The following USP48 variants were observed in gnomAD, a reference collection of about 807,000 sequenced individuals.
USP48 encodes ubiquitin carboxyl-terminal hydrolase 48.
USP48 carries 43 observed loss-of-function variants against 150.7 expected under a neutral mutation model. That is an observed-to-expected ratio of 0.29 (90% CI 0.22 to 0.37). USP48 has a LOEUF of 0.37. Among genes scored for constraint, USP48 ranks in the 10% least tolerant of loss-of-function variants. The pLI is 1.00. For synonymous variants in USP48, 396 were observed against 425.9 expected (o/e 0.93, Z 0.86); for missense variants, 813 against 1,249.6 (o/e 0.65, Z 5.27).
chr1:21,720,531 C>CTT (rs879555456), intron 14 of USP48, among the ~76,000 whole-genome samples: 2 of 140,564 alleles, frequency 1.4e-5, no homozygotes, highest in African/African-American at 2.6e-5. Flanking sequence ...TTTTCTTTTT[C>CTT]TTTTTTTTTT....
At chr1:21,712,189 T>C (rs2152530049) in intron 15 of USP48, among the ~76,000 whole-genome samples, 1 of 152,264 alleles carries the variant, frequency 6.6e-6, no homozygotes, top group Admixed American at 6.5e-5. Flanking sequence ...CAAAACCCCA[T>C]ATCTACTAAA....
At chr1:21,777,951 C>T (rs1169352970) in intron 1 of USP48, among the ~76,000 whole-genome samples, 3 of 139,794 alleles carry the variant, frequency 2.1e-5, no homozygotes, top group African/African-American at 5.4e-5. Flanking sequence ...CATAGTGAAA[C>T]CCCGTCTCTA....
intron 7 of USP48, among the ~76,000 whole-genome samples, chr1:21,747,908 G>T (rs1026750975): frequency 3.3e-5 from 5 of 152,186 alleles, no homozygotes; most frequent in African/African-American, 1.2e-4. Context: ...AATAAAAAAA[G>T]TAAGGATTTT....
At chr1:21,780,210 G>A (rs575452198) in intron 1 of USP48, among the ~76,000 whole-genome samples, 11 of 152,316 alleles carry the variant, frequency 7.2e-5, no homozygotes, top group African/African-American at 2.6e-4. Flanking sequence ...TCCATAAAAT[G>A]GAATACTACT....
chr1:21,712,848 A>C (rs2152531335), intron 15 of USP48, among the ~76,000 whole-genome samples: 1 of 151,922 alleles, frequency 6.6e-6, no homozygotes. Context: ...GGCTGGTCTC[A>C]AACTCCTGAC....
At position 21,721,250 on chromosome 1, in the gene USP48, G is replaced by C. The variant is rs2097720082; in HGVS notation, c.1764-84C>G. On this transcript the variant is annotated intron_variant, in intron 13 of 26. Transcript: ENST00000308271. ...TTCTTTGCCTGTAAAAACAACTAAA[G>C]TGAATTACAAACACTCAACATCAGC... The C allele has an allele frequency of 2.0e-6, 3 of 1,535,450 alleles. No homozygotes were observed. In the East Asian group the frequency reaches 6.9e-5, roughly 35 times the overall value.
intron 22 of USP48, among the ~76,000 whole-genome samples, chr1:21,699,374 A>AT (rs2097648131): frequency 7.5e-6 from 1 of 133,234 alleles, no homozygotes; most frequent in Non-Finnish European, 1.6e-5. Flanking sequence ...AATTTTTTGT[A>AT]TTTTTAGTAG....
chr1:21,746,659 C>G (rs899814915), intron 8 of USP48, among the ~76,000 whole-genome samples: 1 of 152,064 alleles, frequency 6.6e-6, no homozygotes, highest in African/African-American at 2.4e-5. Flanking sequence ...AGCATAAATA[C>G]TGGAATTATG....
chr1:21,679,516 A>G, intron 26 of USP48, 77 bp from the exon 27 acceptor site: 1 of 1,537,738 alleles, frequency 6.5e-7, no homozygotes, highest in Non-Finnish European at 9.0e-7. Flanking sequence ...TACCAAGAAC[A>G]CATCATCAAC....
At chr1:21,720,902 C>A (rs964638508) in intron 14 of USP48, 134 bp downstream of exon 14, 18 of 1,187,766 alleles carry the variant, frequency 1.5e-5, no homozygotes, top group South Asian at 3.0e-5. Flanking sequence ...CTGGCACAAC[C>A]GCTGGGCTCA....
In USP48 at chr1:21,678,748, T is replaced by G. The variant is rs1176916002; in HGVS notation, c.*669A>C. 1 of 152,280 alleles carries G rather than the reference T, an allele frequency of 6.6e-6. No homozygotes were observed. The highest frequency in any genetic ancestry group is 1.5e-5 in the Non-Finnish European group (1 of 68,128). 9.4% of individuals were successfully genotyped at this position (152,280 alleles called of 1,614,324 possible). A position where few individuals can be genotyped will look rare whatever the true frequency, so the allele number is the denominator to read the frequency against. On this transcript the variant is annotated 3_prime_UTR_variant, in exon 27 of 27. Transcript: ENST00000308271. ...GCAAAAAGCCTCTGAAGTCAAAACA[T>G]GAGACATAATTCCTTGCTCATTGCA...
intron 1 of USP48, among the ~76,000 whole-genome samples, chr1:21,773,558 A>AATAAGATGCT (rs1167975660): frequency 6.6e-6 from 1 of 152,194 alleles, no homozygotes; most frequent in African/African-American, 2.4e-5. Flanking sequence ...GGCAAATGAA[A>AATAAGATGCT]ATAAGATGCT....
At chr1:21,727,501 C>T (rs773810737) in intron 11 of USP48, among the ~76,000 whole-genome samples, 11 of 152,014 alleles carry the variant, frequency 7.2e-5, no homozygotes, top group Non-Finnish European at 1.2e-4. Context: ...CACTTTAGAC[C>T]CAGTTAAGTC....
intron 9 of USP48, among the ~76,000 whole-genome samples, chr1:21,735,325 C>T (rs955039199): frequency 6.6e-6 from 1 of 152,208 alleles, no homozygotes; most frequent in African/African-American, 2.4e-5. Context: ...GCTACCTGGG[C>T]GTGGTAGCTC....
At chr1:21,733,047 C>A (rs2097760639) in intron 9 of USP48, among the ~76,000 whole-genome samples, 2 of 152,152 alleles carry the variant, frequency 1.3e-5, no homozygotes, top group African/African-American at 4.8e-5. Flanking sequence ...GTTGGAAGAT[C>A]ACTGTACTGT....
At chr1:21,773,376 AAGG>A (rs1344852125) in intron 1 of USP48, among the ~76,000 whole-genome samples, 1 of 151,980 alleles carries the variant, frequency 6.6e-6, no homozygotes, top group African/African-American at 2.4e-5. Context: ...TAAATATAAA[AAGG>A]AGAAGGGACA....
chr1:21,757,606 A>T, intron 2 of USP48, 57 bp downstream of exon 2: 7 of 1,574,806 alleles, frequency 4.4e-6, no homozygotes, highest in Non-Finnish European at 6.0e-6. Flanking sequence ...CCAAAACAAA[A>T]GCAAAAACAA....
chr1:21,768,527 C>T (rs978894417), intron 1 of USP48: 7 of 151,888 alleles, frequency 4.6e-5, no homozygotes, highest in African/African-American at 1.2e-4. Flanking sequence ...TTTTTGTTTC[C>T]CTCATCTCAG....
intron 8 of USP48, among the ~76,000 whole-genome samples, chr1:21,737,330 T>G (rs147980102): frequency 1.3e-5 from 2 of 152,208 alleles, no homozygotes; most frequent in Non-Finnish European, 2.9e-5. Context: ...GGCCAAACAG[T>G]TGGAAAATAT....
Sources: allele counts gnomAD v4.1 joint callset (sites outside exome capture counted in the v4.1 genomes callset), GRCh38; gene constraint gnomAD v4.1.1; transcripts MANE v1.5; gene names NCBI Gene and HGNC (gene_info 2026-07-23, HGNC 2026-07-21).